The following DLG2 variants were observed in gnomAD, a reference collection of about 807,000 sequenced individuals.
The protein encoded by DLG2 is disks large homolog 2.
In DLG2, 45 loss-of-function variants were observed where a neutral mutation model predicts 132.5. The ratio of observed to expected loss-of-function variants is 0.34; its 90% CI spans 0.27 to 0.44. The LOEUF is 0.44. DLG2 is among the 20% of genes least tolerant of loss of function. The pLI is 1.00. For missense variants in DLG2, 1,045 were observed against 1,196.9 expected, an observed-to-expected ratio of 0.87 and a Z score of 1.87; for synonymous variants, 424 against 419.6, an observed-to-expected ratio of 1.01 and a Z score of -0.13.
intron 11 of DLG2, among the ~76,000 whole-genome samples, chr11:84,021,787 C>T (rs1339443379): frequency 4.8e-5 from 7 of 146,464 alleles, no homozygotes; most frequent in African/African-American, 1.3e-4. Flanking sequence ...GATGGAGTTT[C>T]GCTCTTGTTG....
At chr11:85,443,231 AT>A (rs2091867158) in intron 3 of DLG2, among the ~76,000 whole-genome samples, 1 of 152,238 alleles carries the variant, frequency 6.6e-6, no homozygotes, top group African/African-American at 2.4e-5. Flanking sequence ...AATCTCCTCC[AT>A]CAGACTGTGA....
At chr11:85,410,761 A>C (rs1236763589) in intron 3 of DLG2, among the ~76,000 whole-genome samples, 3 of 151,924 alleles carry the variant, frequency 2.0e-5, no homozygotes, top group Non-Finnish European at 2.9e-5. Context: ...ACTATGGTAT[A>C]GTAAGTGATG....
chr11:84,639,373 A>G (rs2099649491), intron 6 of DLG2, among the ~76,000 whole-genome samples: 1 of 149,208 alleles, frequency 6.7e-6, no homozygotes, highest in Non-Finnish European at 1.5e-5. Context: ...TTTGTCTGAA[A>G]GTGACCTTTT....
intron 3 of DLG2, among the ~76,000 whole-genome samples, chr11:85,386,932 T>C (rs1467456013): frequency 1.3e-5 from 2 of 151,352 alleles, no homozygotes; most frequent in Non-Finnish European, 3.0e-5. Flanking sequence ...TTTGCTCTTG[T>C]CACCTAGGCT....
In DLG2 at chr11:84,821,658, A is replaced by C. The variant is rs552898584; in HGVS notation, c.358-286927T>G. ...AAAAAAAAACAACAACAACAAAAAA[A>C]ACAAAAAAACAACTTTGGTTAAACT... On this transcript the variant is annotated intron_variant, in intron 6 of 27. Coordinates refer to ENST00000376104, the MANE Select transcript of DLG2 (RefSeq NM_001142699.3). 5.0e-4 allele frequency among the ~76,000 whole-genome samples: 75 copies of C among 151,426 alleles called. 1 individual carries two copies. The highest frequency in any genetic ancestry group is 3.7e-3 in the South Asian group (18 of 4,816).
chr11:85,017,825 C>G (rs1179151334), intron 6 of DLG2, among the ~76,000 whole-genome samples: 3 of 152,170 alleles, frequency 2.0e-5, no homozygotes, highest in African/African-American at 7.2e-5. Flanking sequence ...CCTTCTCTCT[C>G]TCCTAGGGTC....
At chr11:84,731,337 A>G (rs1451069178) in intron 6 of DLG2, among the ~76,000 whole-genome samples, 1 of 152,022 alleles carries the variant, frequency 6.6e-6, no homozygotes, top group Non-Finnish European at 1.5e-5. Flanking sequence ...GTACAGATCA[A>G]TGCAGTGCTG....
intron 3 of DLG2, among the ~76,000 whole-genome samples, chr11:85,527,355 C>T (rs546718690): frequency 1.3e-5 from 2 of 152,030 alleles, no homozygotes; most frequent in Admixed American, 1.3e-4. Flanking sequence ...TTGCGCCCCA[C>T]CCCTCAACAG....
chr11:85,497,843 A>G (rs2093702937), intron 3 of DLG2, among the ~76,000 whole-genome samples: 1 of 152,236 alleles, frequency 6.6e-6, no homozygotes, highest in Admixed American at 6.5e-5. Flanking sequence ...TTCATAAGTG[A>G]AGGGGAAATA....
chr11:83,456,327 G>C lies in DLG2; in HGVS notation c.*3491C>G, dbSNP rs1358111852. ...GGGAGGCGGGCTGGAGCAGGCTCCA[G>C]GTCAGGGCCTCACGCTCAGCTTTAC... On this transcript the variant is annotated 3_prime_UTR_variant, in exon 28 of 28. Transcript: ENST00000376104. 1 of 152,844 alleles carries C rather than the reference G, an allele frequency of 6.5e-6. No individual in the cohort carries two copies. Among genetic ancestry groups the C allele is most frequent in the African/African-American group, 2.4e-5 (1 of 41,456 alleles). The allele number at this position is 152,844 out of a possible 1,614,324, so 9.5% of individuals were successfully genotyped here.
chr11:84,519,040 T>G (rs2099284188), intron 7 of DLG2, among the ~76,000 whole-genome samples: 1 of 152,114 alleles, frequency 6.6e-6, no homozygotes, highest in Non-Finnish European at 1.5e-5. Flanking sequence ...TTCATCATAT[T>G]TGCAGGCTGA....
chr11:85,235,913 C>T (rs954837585), intron 4 of DLG2, among the ~76,000 whole-genome samples: 1 of 151,512 alleles, frequency 6.6e-6, no homozygotes, highest in Non-Finnish European at 1.5e-5. Context: ...CTCCTGTAGG[C>T]AATGTGTAGA....
intron 18 of DLG2, among the ~76,000 whole-genome samples, chr11:83,640,611 G>A (rs1034698143): frequency 1.3e-5 from 2 of 152,124 alleles, no homozygotes; most frequent in Non-Finnish European, 2.9e-5. Flanking sequence ...TGGGGATACC[G>A]AATCCACTGA....
In DLG2 at chr11:83,861,880, C is replaced by T. The variant is rs532893163; in HGVS notation, c.1565+12540G>A. On this transcript the variant is annotated intron_variant, in intron 16 of 27. Transcript: ENST00000376104. ...TAAAATAACTCAAAGAGTATAATTG[C>T]ATTGTTTGTAACTCAAAGGATAAAT... Among the ~76,000 whole-genome samples the T allele has an allele frequency of 2.6e-5, 4 of 152,178 alleles. No individual in the cohort carries two copies. The East Asian group carries it at 7.7e-4, about 29-fold the overall frequency.
At chr11:84,922,483 G>C (rs1041732715) in intron 6 of DLG2, among the ~76,000 whole-genome samples, 1 of 152,170 alleles carries the variant, frequency 6.6e-6, no homozygotes, top group African/African-American at 2.4e-5. Flanking sequence ...GTGAATGTCA[G>C]TGGGGTGACA....
intron 8 of DLG2, among the ~76,000 whole-genome samples, chr11:84,222,485 G>A (rs1291609406): frequency 1.3e-5 from 2 of 152,104 alleles, no homozygotes; most frequent in African/African-American, 4.8e-5. Flanking sequence ...ACATAAGAAA[G>A]GGCTATAAAA....
intron 6 of DLG2, among the ~76,000 whole-genome samples, chr11:85,103,424 G>A (rs532853215): frequency 6.6e-5 from 10 of 152,022 alleles, no homozygotes; most frequent in African/African-American, 2.2e-4. Flanking sequence ...TATTGAAACA[G>A]AGTTGAAAGT....
At chr11:85,169,151 A>AC (rs2078666944) in intron 4 of DLG2, among the ~76,000 whole-genome samples, 2 of 152,168 alleles carry the variant, frequency 1.3e-5, no homozygotes, top group African/African-American at 2.4e-5. Context: ...GAACGCTATA[A>AC]AAATAGTTGT....
At chr11:84,340,307 G>A (rs1365803318) in intron 7 of DLG2, among the ~76,000 whole-genome samples, 2 of 152,060 alleles carry the variant, frequency 1.3e-5, no homozygotes, top group Non-Finnish European at 2.9e-5. Flanking sequence ...TAACGCCTAG[G>A]TCTGCATGCA....
Sources: gnomAD v4.1 joint callset for allele counts (sites outside exome capture counted in the v4.1 genomes callset) on GRCh38, gnomAD v4.1.1 for gene constraint, MANE v1.5 for transcripts, NCBI Gene and HGNC (gene_info 2026-07-23, HGNC 2026-07-21) for gene names.